Variants in GPR160 observed in about 807,000 individuals in gnomAD.
GPR160 encodes G protein-coupled receptor 160.
GPR160 carries 2 observed loss-of-function variants against 2.6 expected under a neutral mutation model. The observed-to-expected ratio is 0.77, with a 90% CI of 0.32 to 2.44. The LOEUF is 2.44. Among genes scored for constraint, GPR160 ranks in the 30% most tolerant of loss-of-function variants. The probability of loss-of-function intolerance (pLI) is 0.11; values close to 1 mark genes in which losing one functional copy is unlikely to be tolerated. For missense variants in GPR160, 351 were observed against 383.6 expected (o/e 0.91, Z 0.71); for synonymous variants, 130 against 132.2 (o/e 0.98, Z 0.12).
intron 2 of GPR160, among the ~76,000 whole-genome samples, chr3:170,057,588 G>C (rs1279600516): frequency 1.3e-5 from 2 of 152,228 alleles, no homozygotes; most frequent in African/African-American, 4.8e-5. Flanking sequence ...TGGCAACACT[G>C]AAATCAGAGA....
At chr3:170,076,423 T>C (rs1712850744) in intron 2 of GPR160, among the ~76,000 whole-genome samples, 1 of 152,230 alleles carries the variant, frequency 6.6e-6, no homozygotes, top group Non-Finnish European at 1.5e-5. Flanking sequence ...TCAAAGTTTA[T>C]ATTTACCTTT....
At chr3:170,065,751 G>C (rs906425905) in intron 2 of GPR160, among the ~76,000 whole-genome samples, 21 of 152,096 alleles carry the variant, frequency 1.4e-4, no homozygotes, top group African/African-American at 5.1e-4. Flanking sequence ...ATTGAGAATT[G>C]TACCAATTTG....
chr3:170,083,900 T>C lies in GPR160; in HGVS notation c.-68-5T>C. Reference sequence around the variant, plus strand: ...ATTAAGGTTTTCTTTTCACTTTTTTTGCAGGGACAGAAAATGAAGCAGTGT... The same window carrying C: ...ATTAAGGTTTTCTTTTCACTTTTTTCGCAGGGACAGAAAATGAAGCAGTGT... On this transcript the variant is annotated splice_polypyrimidine_tract_variant and splice_region_variant and intron_variant, in intron 3 of 3. Coordinates refer to ENST00000355897, the MANE Select transcript of GPR160 (RefSeq NM_014373.3). The C allele has an allele frequency of 1.2e-6, 1 of 819,896 alleles. No individual in the cohort carries two copies. The highest frequency in any genetic ancestry group is 1.8e-6 in the Non-Finnish European group (1 of 555,462). The allele number at this position is 819,896 out of a possible 1,614,324, so 50.8% of individuals were successfully genotyped here.
In GPR160 at chr3:170,063,552, C is replaced by CAAAA. The variant is rs528295183; in HGVS notation, c.-192-16203_-192-16200dup. On this transcript the variant is annotated intron_variant, in intron 2 of 3. Coordinates refer to ENST00000355897, the MANE Select transcript of GPR160 (RefSeq NM_014373.3). ...ATGTCTCAAAAACAAACAAAAAAAG[C>CAAAA]AAAAAAAAAAAAAAAAAAAAAACCT... Among the ~76,000 whole-genome samples the CAAAA allele has an allele frequency of 2.4e-3, 186 of 78,884 alleles. 2 individuals are homozygous for CAAAA. In the East Asian group the frequency reaches 0.045, roughly 19 times the overall value. 51.8% of individuals were successfully genotyped at this position (78,884 alleles called of 152,430 possible). A position where few individuals can be genotyped will look rare whatever the true frequency, so the allele number is the denominator to read the frequency against.
chr3:170,084,423 C>CTTGCTTATGTTT lies in GPR160; in HGVS notation c.453_464dup (p.Val154_Leu155insPheAlaTyrVal). 6.2e-7 allele frequency: 1 copy of CTTGCTTATGTTT among 1,609,286 alleles called. No homozygotes were observed. The highest frequency in any genetic ancestry group is 1.7e-5 in the Admixed American group (1 of 59,946). On this transcript the variant is annotated inframe_insertion, in exon 4 of 4. Coordinates refer to ENST00000355897, the MANE Select transcript of GPR160 (RefSeq NM_014373.3). ...AGTAATTTTAATTTGGATTTCAGTCCTTGCTTATGTTTTGGGAGACCCAGC... is the reference window on the plus strand; with the variant it reads ...AGTAATTTTAATTTGGATTTCAGTCCTTGCTTATGTTTTTGCTTATGTTTTGGGAGACCCAGC...
chr3:170,073,591 A>G (rs971944005), intron 2 of GPR160, among the ~76,000 whole-genome samples: 5 of 152,128 alleles, frequency 3.3e-5, no homozygotes, highest in African/African-American at 9.7e-5. Context: ...TTGACTTTCT[A>G]ATGTTAAAAT....
chr3:170,084,486 C>A lies in GPR160; in HGVS notation c.514C>A (p.Arg172Ser). 1 of 1,613,490 alleles carries A rather than the reference C, an allele frequency of 6.2e-7. No homozygotes were observed. The highest frequency in any genetic ancestry group is 2.2e-5 in the East Asian group (1 of 44,854). ...CCTGAAGGCACAGAATGCTTATTCT[C>A]GTCACTGTCCTTTCTATGTCAGCAT... Reference protein sequence around the residue: ...QSLKAQNAYSRHCPFYVSIQS... With the variant: ...QSLKAQNAYSSHCPFYVSIQS... Residue 172 changes from arginine to serine, a missense_variant, in exon 4 of 4, where the codon CGT (arginine) becomes AGT (serine). Arg to Ser is a moderately radical substitution (Grantham distance 110). Coordinates refer to ENST00000355897, the MANE Select transcript of GPR160 (RefSeq NM_014373.3).
intron 2 of GPR160, among the ~76,000 whole-genome samples, chr3:170,056,834 GA>G (rs1282783924): frequency 1.3e-5 from 2 of 152,216 alleles, no homozygotes; most frequent in Non-Finnish European, 1.5e-5. Context: ...GGGCCATGGT[GA>G]ATCACAAGGT....
intron 2 of GPR160, among the ~76,000 whole-genome samples, chr3:170,043,366 G>C (rs959095084): frequency 6.6e-6 from 1 of 152,064 alleles, no homozygotes; most frequent in Non-Finnish European, 1.5e-5. Context: ...ATATTTAGTA[G>C]AGACAAGGTT....
rs981698336 is a variant in GPR160 at position 170,043,008 on chromosome 3, A to G, written c.-193+3965A>G. 3.7e-3 allele frequency among the ~76,000 whole-genome samples: 508 copies of G among 139,086 alleles called. 9 individuals are homozygous for G. The highest frequency in any genetic ancestry group is 5.5e-4 in the Non-Finnish European group (35 of 63,962). 91.2% of individuals were successfully genotyped at this position (139,086 alleles called of 152,430 possible). ...GCCATTCTCCTGCCTCAGCCTCCCCAGTAGCTGGGACTACAGGTGCCCACC... is the reference window on the plus strand; with the variant it reads ...GCCATTCTCCTGCCTCAGCCTCCCCGGTAGCTGGGACTACAGGTGCCCACC... On this transcript the variant is annotated intron_variant, in intron 2 of 3. Transcript: ENST00000355897.
At chr3:170,080,660 A>C (rs1713078574) in intron 3 of GPR160, among the ~76,000 whole-genome samples, 1 of 152,202 alleles carries the variant, frequency 6.6e-6, no homozygotes, top group African/African-American at 2.4e-5. Flanking sequence ...TCAAGAGTCA[A>C]TGATGAAACG....
rs1337223138 is a variant in GPR160 at position 170,084,645 on chromosome 3, C to A, written c.673C>A (p.Pro225Thr). ...SYMNETILYF[P>T]FSSHSSYTVR... ...TATGAATGAAACTATCTTATATTTT[C>A]CTTTTTCATCCCACTCCAGTTATAC... is the stretch of plus-strand genomic sequence containing the variant. The change falls in exon 4 of 4, where the codon CCT becomes ACT. Residue 225 changes from proline (P) to threonine (T), a missense_variant. Physicochemically the swap from Pro to Thr is conservative, Grantham distance 38. Transcript: ENST00000355897. 1.2e-6 allele frequency: 2 copies of A among 1,609,326 alleles called. No homozygotes were observed.
intron 2 of GPR160, among the ~76,000 whole-genome samples, chr3:170,065,045 G>T (rs1559988220): frequency 1.3e-5 from 2 of 152,086 alleles, no homozygotes; most frequent in South Asian, 2.1e-4. Context: ...GTGTAGATGT[G>T]AGATAGTATC....
At chr3:170,057,170 G>A (rs1242779563) in intron 2 of GPR160, 1 of 152,166 alleles carries the variant, frequency 6.6e-6, no homozygotes, top group Non-Finnish European at 1.5e-5. Context: ...AACCAAATAA[G>A]TATAGTTGGG....
At chr3:170,040,530 G>A (rs984226982) in intron 2 of GPR160, among the ~76,000 whole-genome samples, 1 of 152,192 alleles carries the variant, frequency 6.6e-6, no homozygotes, top group African/African-American at 2.4e-5. Context: ...TGGAGGCTAG[G>A]TCAGCTTTTT....
At chr3:170,041,789 C>T (rs948061418) in intron 2 of GPR160, among the ~76,000 whole-genome samples, 2 of 152,122 alleles carry the variant, frequency 1.3e-5, no homozygotes, top group South Asian at 2.1e-4. Context: ...GCAACCGTCA[C>T]GTAACTTTAT....
At chr3:170,062,407 A>G (rs551226950) in intron 2 of GPR160, 5 of 406,842 alleles carry the variant, frequency 1.2e-5, no homozygotes, top group African/African-American at 6.2e-5. Context: ...CCGTGAGCCT[A>G]ACAAATGCTC....
chr3:170,064,753 C>T (rs1046969987), intron 2 of GPR160, among the ~76,000 whole-genome samples: 1 of 152,000 alleles, frequency 6.6e-6, no homozygotes, highest in South Asian at 2.1e-4. Flanking sequence ...CTCCTGATCT[C>T]GTCATCCGCC....
chr3:170,085,308 C>G lies in GPR160; in HGVS notation c.*319C>G. ...TGTTACTCAAAAAAACTACTGGATG[C>G]AAACTGTTATGTAAATCTGAGATTT... On this transcript the variant is annotated 3_prime_UTR_variant, in exon 4 of 4. Coordinates refer to ENST00000355897, the MANE Select transcript of GPR160 (RefSeq NM_014373.3). 5.5e-6 allele frequency: 1 copy of G among 183,050 alleles called. No individual in the cohort carries two copies. The highest frequency in any genetic ancestry group is 1.3e-5 in the Non-Finnish European group (1 of 79,320). The allele number at this position is 183,050 out of a possible 1,614,324, so 11.3% of individuals were successfully genotyped here.
Sources: allele counts gnomAD v4.1 joint callset (sites outside exome capture counted in the v4.1 genomes callset), GRCh38; gene constraint gnomAD v4.1.1; transcripts MANE v1.5; gene names NCBI Gene and HGNC (gene_info 2026-07-23, HGNC 2026-07-21).